TCF7L1: variants seen among roughly 807,000 people sequenced by gnomAD.
The protein encoded by TCF7L1 is transcription factor 7 like 1.
TCF7L1 carries 18 observed loss-of-function variants against 63.7 expected under a neutral mutation model. The ratio of observed to expected loss-of-function variants is 0.28; its 90% confidence interval spans 0.20 to 0.42. The LOEUF (loss-of-function observed/expected upper bound fraction) is 0.42. Ranked by LOEUF, TCF7L1 falls within the 10% of genes least tolerant of loss-of-function variation. The pLI is 1.00. For missense variants in TCF7L1, 654 were observed against 779.3 expected, an observed-to-expected ratio of 0.84 and a Z score of 1.91; for synonymous variants, 355 against 340.9, an observed-to-expected ratio of 1.04 and a Z score of -0.46.
chr2:85,269,427 TA>T (rs1448232424), intron 3 of TCF7L1, among the ~76,000 whole-genome samples: 11 of 152,312 alleles, frequency 7.2e-5, no homozygotes, highest in African/African-American at 1.7e-4. Flanking sequence ...TACACATACA[TA>T]AAAAATACAC....
intron 7 of TCF7L1, among the ~76,000 whole-genome samples, chr2:85,304,831 G>A (rs774092871): frequency 1.4e-4 from 21 of 152,164 alleles, no homozygotes; most frequent in Non-Finnish European, 2.8e-4. Context: ...ACTGAAGCTA[G>A]GGACTGGGAG....
chr2:85,282,951 C>A (rs1482445247), intron 3 of TCF7L1, among the ~76,000 whole-genome samples: 3 of 152,072 alleles, frequency 2.0e-5, no homozygotes, highest in East Asian at 3.9e-4. Context: ...GAAAGCTCAG[C>A]ATCCTTGAGT....
intron 3 of TCF7L1, among the ~76,000 whole-genome samples, chr2:85,245,121 T>A (rs1169283203): frequency 6.6e-6 from 1 of 152,138 alleles, no homozygotes; most frequent in Non-Finnish European, 1.5e-5. Flanking sequence ...TCAAGACAGA[T>A]ACCAGGGAGA....
intron 3 of TCF7L1, among the ~76,000 whole-genome samples, chr2:85,272,307 C>T (rs1352447545): frequency 6.6e-6 from 1 of 152,068 alleles, no homozygotes; most frequent in African/African-American, 2.4e-5. Flanking sequence ...AATAGCTTTG[C>T]TTACTGTTGC....
At chr2:85,293,772 G>A (rs902954878) in intron 4 of TCF7L1, among the ~76,000 whole-genome samples, 6 of 152,122 alleles carry the variant, frequency 3.9e-5, no homozygotes, top group South Asian at 2.1e-4. Flanking sequence ...TAACAGTCTC[G>A]TGTCCAAGTA....
chr2:85,276,601 CAG>C (rs1470793731), intron 3 of TCF7L1, among the ~76,000 whole-genome samples: 1 of 152,198 alleles, frequency 6.6e-6, no homozygotes. Flanking sequence ...CAAATCCTAC[CAG>C]AGTCAGCCTT....
At chr2:85,158,107 T>C (rs1678193104) in intron 3 of TCF7L1, among the ~76,000 whole-genome samples, 1 of 152,022 alleles carries the variant, frequency 6.6e-6, no homozygotes, top group South Asian at 2.1e-4. Flanking sequence ...GCCATAGTGG[T>C]GTAAGGTGCT....
intron 3 of TCF7L1, among the ~76,000 whole-genome samples, chr2:85,239,222 A>G (rs370628070): frequency 2.4e-4 from 36 of 152,218 alleles, no homozygotes; most frequent in African/African-American, 8.7e-4. Flanking sequence ...CGCCAGGCTG[A>G]GGCTCCCCCT....
At chr2:85,215,382 C>A (rs934225772) in intron 3 of TCF7L1, among the ~76,000 whole-genome samples, 14 of 152,236 alleles carry the variant, frequency 9.2e-5, no homozygotes, top group Admixed American at 2.6e-4. Context: ...CACATACCCT[C>A]GCCAGTGATG....
chr2:85,193,825 A>G (rs1308112514), intron 3 of TCF7L1, among the ~76,000 whole-genome samples: 1 of 152,202 alleles, frequency 6.6e-6, no homozygotes, highest in African/African-American at 2.4e-5. Flanking sequence ...TGGTTTGGGG[A>G]AAAATGCATA....
chr2:85,295,637 C>G (rs769989908), intron 4 of TCF7L1, among the ~76,000 whole-genome samples: 5 of 151,936 alleles, frequency 3.3e-5, no homozygotes, highest in Non-Finnish European at 7.4e-5. Flanking sequence ...TCTGTTTTTT[C>G]TTTTCTGAAA....
At chr2:85,215,478 C>T (rs909055008) in intron 3 of TCF7L1, among the ~76,000 whole-genome samples, 7 of 152,212 alleles carry the variant, frequency 4.6e-5, no homozygotes, top group South Asian at 2.1e-4. Context: ...AGAGGCCCCC[C>T]GCCTTGCTTG....
At chr2:85,169,224 C>G (rs1307934176) in intron 3 of TCF7L1, among the ~76,000 whole-genome samples, 1 of 152,160 alleles carries the variant, frequency 6.6e-6, no homozygotes, top group Non-Finnish European at 1.5e-5. Flanking sequence ...ATTCAGCAGT[C>G]TCTGAACCTT....
At chr2:85,243,973 G>C (rs569985272) in intron 3 of TCF7L1, among the ~76,000 whole-genome samples, 1 of 152,180 alleles carries the variant, frequency 6.6e-6, no homozygotes, top group Admixed American at 6.5e-5. Flanking sequence ...TGCCAGGGAG[G>C]GTTCAGGGTA....
intron 3 of TCF7L1, chr2:85,233,913 C>T (rs1197059146): frequency 6.6e-6 from 1 of 152,030 alleles, no homozygotes; most frequent in Non-Finnish European, 1.5e-5. Context: ...TTTTCATTAC[C>T]GAGCGGTTTT....
intron 3 of TCF7L1, among the ~76,000 whole-genome samples, chr2:85,160,146 T>C (rs1678252966): frequency 6.6e-6 from 1 of 152,216 alleles, no homozygotes; most frequent in African/African-American, 2.4e-5. Flanking sequence ...ATGTAACCAC[T>C]GCTATAGTTC....
chr2:85,142,431 AATGTGTGTGTGTGTGTG>A (rs1230371514), intron 3 of TCF7L1, among the ~76,000 whole-genome samples: 451 of 33,870 alleles, frequency 0.013, 3 homozygotes, highest in African/African-American at 0.036. Flanking sequence ...AAAAAAAAAA[AATGTGTGTGTGTGTGTG>A]TGTGTGTGTG....
intron 3 of TCF7L1, among the ~76,000 whole-genome samples, chr2:85,226,813 C>A (rs201003548): frequency 3.4e-5 from 5 of 147,580 alleles, no homozygotes; most frequent in African/African-American, 1.3e-4. Flanking sequence ...TATCTCCCCC[C>A]GCCTTTTTTT....
chr2:85,198,598 C>T (rs1477222724), intron 3 of TCF7L1, among the ~76,000 whole-genome samples: 1 of 152,158 alleles, frequency 6.6e-6, no homozygotes, highest in African/African-American at 2.4e-5. Flanking sequence ...GAATGGGGAG[C>T]CTAATGCAGA....
Sources: gnomAD v4.1 joint callset for allele counts (sites outside exome capture counted in the v4.1 genomes callset) on GRCh38, gnomAD v4.1.1 for gene constraint, MANE v1.5 for transcripts, NCBI Gene and HGNC (gene_info 2026-07-23, HGNC 2026-07-21) for gene names.